WASF3: variants seen among roughly 807,000 people sequenced by gnomAD.
WASF3 encodes actin-binding protein WASF3.
Under a neutral mutation model 46.6 loss-of-function variants are expected in WASF3, and 11 were observed. The observed-to-expected ratio is 0.24, with a 90% CI of 0.15 to 0.39. The LOEUF is 0.39. Among genes scored for constraint, WASF3 ranks in the 10% least tolerant of loss-of-function variants. The probability of loss-of-function intolerance (pLI) is 1.00; values close to 1 mark genes in which losing one functional copy is unlikely to be tolerated. For missense variants in WASF3, 576 were observed against 669.8 expected (o/e 0.86, Z 1.55); for synonymous variants, 242 against 259.7 (o/e 0.93, Z 0.65).
intron 2 of WASF3, among the ~76,000 whole-genome samples, chr13:26,625,253 A>G (rs1881429006): frequency 6.6e-6 from 1 of 152,196 alleles, no homozygotes; most frequent in South Asian, 2.1e-4. Context: ...GAAATAGAAC[A>G]TATAGGATAT....
At chr13:26,646,776 G>A (rs1158591653) in intron 3 of WASF3, among the ~76,000 whole-genome samples, 1 of 152,166 alleles carries the variant, frequency 6.6e-6, no homozygotes, top group Non-Finnish European at 1.5e-5. Context: ...AAAACCCAGG[G>A]CAACTAATTG....
chr13:26,657,680 G>A (rs748126589), intron 3 of WASF3, among the ~76,000 whole-genome samples: 3 of 152,204 alleles, frequency 2.0e-5, no homozygotes, highest in Non-Finnish European at 4.4e-5. Context: ...AACAAAGAAT[G>A]AATAAATTGC....
chr13:26,571,292 T>C (rs1341711580), intron 1 of WASF3, among the ~76,000 whole-genome samples: 2 of 152,118 alleles, frequency 1.3e-5, no homozygotes, highest in African/African-American at 4.8e-5. Flanking sequence ...TTTAATTGAA[T>C]TGGGCATGGG....
intron 1 of WASF3, among the ~76,000 whole-genome samples, chr13:26,582,097 G>A (rs1334755141): frequency 6.6e-6 from 1 of 152,168 alleles, no homozygotes; most frequent in African/African-American, 2.4e-5. Context: ...TAACTCATTT[G>A]ATACTTCTTT....
chr13:26,685,827 G>T lies in WASF3; in HGVS notation c.1491G>T (p.Glu497Asp). Residue 497 changes from glutamate (E) to aspartate (D), a missense_variant, in exon 10 of 10, where the codon GAG (glutamate) becomes GAT (aspartate). By Grantham distance (45) the Glu-to-Asp change is conservative. Transcript: ENST00000335327. ...CTGACGACGACTCAGAGTTCGACGA[G>T]AACGACTGGTCCGACTGAGCAAAGG... Reference protein sequence around the residue: ...SDSDDDSEFDENDWSD With the variant: ...SDSDDDSEFDDNDWSD 6.2e-7 allele frequency: 1 copy of T among 1,613,842 alleles called. No homozygotes were observed. The highest frequency in any genetic ancestry group is 8.5e-7 in the Non-Finnish European group (1 of 1,179,698).
intron 1 of WASF3, among the ~76,000 whole-genome samples, chr13:26,580,448 G>A (rs1006229740): frequency 6.6e-6 from 1 of 152,088 alleles, no homozygotes; most frequent in Non-Finnish European, 1.5e-5. Context: ...TCTAAAACTC[G>A]ACAAGCATTA....
At chr13:26,634,055 C>G (rs539725710) in intron 2 of WASF3, among the ~76,000 whole-genome samples, 12 of 152,254 alleles carry the variant, frequency 7.9e-5, no homozygotes, top group African/African-American at 2.6e-4. Context: ...TGTTAACCTT[C>G]TGTCTCGATC....
At chr13:26,630,639 T>C (rs892805070) in intron 2 of WASF3, among the ~76,000 whole-genome samples, 1 of 152,238 alleles carries the variant, frequency 6.6e-6, no homozygotes, top group Non-Finnish European at 1.5e-5. Flanking sequence ...TGTGTCTTTA[T>C]AGTAGCATGA....
chr13:26,545,077 T>C, the WASF3 span, among the ~76,000 whole-genome samples: 839 of 152,286 alleles, frequency 5.5e-3, 6 homozygotes, highest in African/African-American at 0.018. Context: ...GCTCAGAGCA[T>C]CGTGTTGTTC....
rs1271915003 is a variant in WASF3 at position 26,681,325 on chromosome 13, C to T, written c.983+5C>T. ...GATGGCTCCAGCAGACTACGGGTAACTCAGCATGCCTTGTACCCTAATCCC... is the reference window on the plus strand; with the variant it reads ...GATGGCTCCAGCAGACTACGGGTAATTCAGCATGCCTTGTACCCTAATCCC... On this transcript the variant is annotated splice_donor_5th_base_variant and intron_variant, in intron 8 of 9. Coordinates refer to ENST00000335327, the MANE Select transcript of WASF3 (RefSeq NM_006646.6). 6.3e-7 allele frequency: 1 copy of T among 1,576,210 alleles called. No individual in the cohort carries two copies. Among genetic ancestry groups the T allele is most frequent in the Non-Finnish European group, 8.6e-7 (1 of 1,161,464 alleles).
At chr13:26,598,188 G>C (rs533936331) in intron 1 of WASF3, among the ~76,000 whole-genome samples, 1 of 152,286 alleles carries the variant, frequency 6.6e-6, no homozygotes, top group Non-Finnish European at 1.5e-5. Context: ...TCTCATTGTG[G>C]TTTTGATTTG....
chr13:26,625,537 A>AAGAGAG (rs144812584), intron 2 of WASF3, among the ~76,000 whole-genome samples: 20 of 151,052 alleles, frequency 1.3e-4, no homozygotes, highest in Non-Finnish European at 2.8e-4. Context: ...CCAACTTAAG[A>AAGAGAG]AGAGAGAGAG....
chr13:26,550,620 C>T, the WASF3 span, among the ~76,000 whole-genome samples: 11 of 152,110 alleles, frequency 7.2e-5, no homozygotes, highest in African/African-American at 2.2e-4. Context: ...ATATGCCATC[C>T]CCCTTCCTCC....
At chr13:26,663,082 C>T (rs148005645) in intron 3 of WASF3, among the ~76,000 whole-genome samples, 2 of 152,150 alleles carry the variant, frequency 1.3e-5, no homozygotes, top group Non-Finnish European at 2.9e-5. Flanking sequence ...GGCAAGATGG[C>T]GGTGGGTGTA....
At chr13:26,560,800 A>G (rs1879272058) in intron 1 of WASF3, among the ~76,000 whole-genome samples, 1 of 152,252 alleles carries the variant, frequency 6.6e-6, no homozygotes, top group African/African-American at 2.4e-5. Flanking sequence ...GCCCCCGATG[A>G]GCTTGCTGTG....
At chr13:26,554,096 C>CTTTCTTTCT (rs1555245931), upstream of WASF3, among the ~76,000 whole-genome samples, 72 of 7,350 alleles carry the variant, frequency 9.8e-3, 1 homozygote, top group South Asian at 0.013. Context: ...TCCTTCCTTC[C>CTTTCTTTCT]TTCTTTCTTT....
intron 2 of WASF3, among the ~76,000 whole-genome samples, chr13:26,637,845 C>G (rs942854052): frequency 1.3e-5 from 2 of 152,214 alleles, no homozygotes; most frequent in African/African-American, 4.8e-5. Flanking sequence ...TCCCAGATCC[C>G]CCATCTCACC....
intron 1 of WASF3, among the ~76,000 whole-genome samples, chr13:26,558,225 T>C (rs2137131350): frequency 6.6e-6 from 1 of 151,982 alleles, no homozygotes; most frequent in South Asian, 2.1e-4. Flanking sequence ...CCGCTCCGCG[T>C]CCGGGACCTT....
chr13:26,679,924 A>C lies in WASF3; in HGVS notation c.717-1130A>C. On this transcript the variant is annotated intron_variant, in intron 7 of 9. Transcript: ENST00000335327. The surrounding 1 kb of genome is among the most constrained non-coding windows in gnomAD (Gnocchi z 4.8). ...CATTTGGAAGGCTTTTCTGTGCCAC[A>C]TGGTGCCCCAGTTAAGAAAAGCTAC... is the stretch of plus-strand genomic sequence containing the variant. 3.1e-6 allele frequency: 4 copies of C among 1,307,708 alleles called. No individual in the cohort carries two copies. Among genetic ancestry groups the C allele is most frequent in the Non-Finnish European group, 3.1e-6 (3 of 962,240 alleles). The allele number at this position is 1,307,708 out of a possible 1,614,324, so 81.0% of individuals were successfully genotyped here. A position where few individuals can be genotyped will look rare whatever the true frequency, so the allele number is the denominator to read the frequency against.
Sources: gnomAD v4.1 joint callset for allele counts (sites outside exome capture counted in the v4.1 genomes callset) on GRCh38, gnomAD v4.1.1 for gene constraint, Gnocchi (gnomAD v3.1) non-coding constraint, MANE v1.5 for transcripts, NCBI Gene and HGNC (gene_info 2026-07-23, HGNC 2026-07-21) for gene names.